SRGAP3: variants seen among roughly 807,000 people sequenced by gnomAD.
SRGAP3 encodes the protein SLIT-ROBO Rho GTPase activating protein 3.
SRGAP3 carries 39 observed loss-of-function variants against 121.1 expected under a neutral mutation model. That is an observed-to-expected ratio of 0.32 (90% CI 0.25 to 0.42). The LOEUF (loss-of-function observed/expected upper bound fraction) is 0.42. Ranked by LOEUF, SRGAP3 falls within the 10% of genes least tolerant of loss-of-function variation. The probability of loss-of-function intolerance (pLI) is 1.00; values close to 1 mark genes in which losing one functional copy is unlikely to be tolerated. For synonymous variants in SRGAP3, 601 were observed against 570.0 expected (o/e 1.05, Z -0.77); for missense variants, 1,213 against 1,470.6 (o/e 0.82, Z 2.86).
At chr3:9,228,043 T>C (rs748144339) in intron 1 of SRGAP3, among the ~76,000 whole-genome samples, 1 of 152,152 alleles carries the variant, frequency 6.6e-6, no homozygotes, top group Non-Finnish European at 1.5e-5. Flanking sequence ...AATCTGATGA[T>C]CATAGTTTGA....
At chr3:9,150,332 A>G (rs1257864561) in intron 1 of SRGAP3, among the ~76,000 whole-genome samples, 1 of 152,054 alleles carries the variant, frequency 6.6e-6, no homozygotes, top group East Asian at 1.9e-4. Context: ...GCTGGAGCCC[A>G]GAAGTAAGAA....
In SRGAP3 at chr3:9,026,959, A is replaced by C; in HGVS notation, c.1576T>G (p.Cys526Gly). 1 of 1,614,238 alleles carries C rather than the reference A, an allele frequency of 6.2e-7. No individual in the cohort carries two copies. The highest frequency in any genetic ancestry group is 8.5e-7 in the Non-Finnish European group (1 of 1,180,040). The change falls in exon 13 of 22, where the codon TGC becomes GGC. Residue 526 changes from cysteine (C) to glycine (G), a missense_variant. Physicochemically the swap from Cys to Gly is radical, Grantham distance 159. Coordinates refer to ENST00000383836, the MANE Select transcript of SRGAP3 (RefSeq NM_014850.4). ...CCATATAAATTGATGTAACGGATGC[A>C]GCTCTCGACTACAAGCGGTATAGCT... is the stretch of plus-strand genomic sequence containing the variant. ...GQAIPLVVES[C>G]IRYINLYGLQ...
At chr3:9,169,188 G>T (rs1383359986) in intron 1 of SRGAP3, among the ~76,000 whole-genome samples, 1 of 152,126 alleles carries the variant, frequency 6.6e-6, no homozygotes, top group African/African-American at 2.4e-5. Context: ...CAATATTGGG[G>T]AGCATGAAAT....
intron 4 of SRGAP3, 152 bp from the exon 5 acceptor site, chr3:9,064,733 G>T: frequency 1.3e-6 from 1 of 767,082 alleles, no homozygotes; most frequent in Non-Finnish European, 2.1e-6. Context: ...CTTTACTTTT[G>T]CACAGACTCT....
At chr3:9,062,997 A>G (rs1946246930) in intron 5 of SRGAP3, among the ~76,000 whole-genome samples, 1 of 152,096 alleles carries the variant, frequency 6.6e-6, no homozygotes, top group African/African-American at 2.4e-5. Flanking sequence ...GAAGATTCCA[A>G]TTTATCCACA....
intron 1 of SRGAP3, among the ~76,000 whole-genome samples, chr3:9,205,095 A>G (rs1047590997): frequency 2.0e-5 from 3 of 152,240 alleles, no homozygotes; most frequent in Admixed American, 1.3e-4. Flanking sequence ...GGGCACCCAG[A>G]AAGTTGCTGA....
At chr3:9,148,543 C>G (rs968738143) in intron 1 of SRGAP3, among the ~76,000 whole-genome samples, 7 of 152,200 alleles carry the variant, frequency 4.6e-5, no homozygotes, top group Non-Finnish European at 7.3e-5. Context: ...ACAGGGTACC[C>G]CCATTTCCAA....
At chr3:9,334,941 T>C (rs1393724534) in intron 1 of SRGAP3, among the ~76,000 whole-genome samples, 1 of 152,156 alleles carries the variant, frequency 6.6e-6, no homozygotes, top group East Asian at 1.9e-4. Flanking sequence ...GTCCAGTGTC[T>C]TCAGGGTAAG....
chr3:9,096,681 T>G (rs1199155704), intron 3 of SRGAP3, among the ~76,000 whole-genome samples: 1 of 151,466 alleles, frequency 6.6e-6, no homozygotes, highest in Non-Finnish European at 1.5e-5. Flanking sequence ...AAAAAGAAAT[T>G]AGAGGTTATA....
intron 3 of SRGAP3, among the ~76,000 whole-genome samples, chr3:9,263,377 C>T (rs1028095887): frequency 6.6e-6 from 1 of 151,618 alleles, no homozygotes; most frequent in Non-Finnish European, 1.5e-5. Flanking sequence ...CAGAGCAGAA[C>T]AGAAGGAGAC....
At chr3:9,161,464 T>C (rs1950596600) in intron 1 of SRGAP3, among the ~76,000 whole-genome samples, 1 of 152,228 alleles carries the variant, frequency 6.6e-6, no homozygotes, top group African/African-American at 2.4e-5. Flanking sequence ...ACATTGCCTC[T>C]AAGCTCTGAG....
intron 3 of SRGAP3, among the ~76,000 whole-genome samples, chr3:9,264,379 G>C (rs1954314846): frequency 6.6e-6 from 1 of 152,160 alleles, no homozygotes; most frequent in South Asian, 2.1e-4. Flanking sequence ...AGGGCAATCA[G>C]GCAAGAGAAA....
At chr3:9,205,599 C>G (rs1356175771) in intron 1 of SRGAP3, among the ~76,000 whole-genome samples, 1 of 152,218 alleles carries the variant, frequency 6.6e-6, no homozygotes, top group Non-Finnish European at 1.5e-5. Context: ...CTCCTGCCTC[C>G]TGGTCCTATG....
chr3:9,078,361 A>G (rs928643129), intron 4 of SRGAP3, among the ~76,000 whole-genome samples: 9 of 152,042 alleles, frequency 5.9e-5, no homozygotes, highest in African/African-American at 2.2e-4. Context: ...AAGGACCTAG[A>G]CTGGGGAGCA....
chr3:9,129,869 G>C (rs2664116), intron 1 of SRGAP3, among the ~76,000 whole-genome samples: 113,845 of 151,644 alleles, frequency 0.75, 43,137 homozygotes, highest in African/African-American at 0.86. Context: ...TCAAGGGATT[G>C]TCCTTCTTCA....
intron 2 of SRGAP3, among the ~76,000 whole-genome samples, chr3:9,327,611 C>T (rs1955540720): frequency 6.6e-6 from 1 of 152,172 alleles, no homozygotes; most frequent in African/African-American, 2.4e-5. Flanking sequence ...AAGCCTAGGA[C>T]CCAGACAGAA....
chr3:9,308,566 G>A (rs2125277467), intron 3 of SRGAP3, among the ~76,000 whole-genome samples: 1 of 152,230 alleles, frequency 6.6e-6, no homozygotes, highest in Non-Finnish European at 1.5e-5. Flanking sequence ...TTGTTTACAG[G>A]GTCAGTGGTA....
At chr3:9,205,826 T>C (rs1054395748) in intron 1 of SRGAP3, among the ~76,000 whole-genome samples, 1 of 152,218 alleles carries the variant, frequency 6.6e-6, no homozygotes, top group African/African-American at 2.4e-5. Flanking sequence ...ACACATTCTA[T>C]AACGTGGATG....
chr3:9,158,575 T>C (rs1226621370), intron 1 of SRGAP3, among the ~76,000 whole-genome samples: 1 of 152,196 alleles, frequency 6.6e-6, no homozygotes, highest in Non-Finnish European at 1.5e-5. Context: ...TGGGAAATTA[T>C]CCCATATCAC....
Sources: gnomAD v4.1 joint callset for allele counts (sites outside exome capture counted in the v4.1 genomes callset) on GRCh38, gnomAD v4.1.1 for gene constraint, MANE v1.5 for transcripts, NCBI Gene and HGNC (gene_info 2026-07-23, HGNC 2026-07-21) for gene names.